The following ITGB3 variants were observed in gnomAD, a reference collection of about 807,000 sequenced individuals.
The protein encoded by ITGB3 is integrin subunit beta 3.
A neutral mutation model predicts 85.8 loss-of-function variants in ITGB3; 48 were observed. That is an observed-to-expected ratio of 0.56 (90% CI 0.44 to 0.71). The LOEUF is 0.71. Among genes scored for constraint, ITGB3 ranks in the 30% least tolerant of loss-of-function variants. The probability of loss-of-function intolerance (pLI) is 0.00; values close to 1 mark genes in which losing one functional copy is unlikely to be tolerated. For missense variants in ITGB3, 861 were observed against 1,019.1 expected, an observed-to-expected ratio of 0.84 and a Z score of 2.11; for synonymous variants, 363 against 395.6, an observed-to-expected ratio of 0.92 and a Z score of 0.98.
chr17:47,277,646 T>G (rs756397598), intron 2 of ITGB3, among the ~76,000 whole-genome samples: 1 of 152,242 alleles, frequency 6.6e-6, no homozygotes, highest in Non-Finnish European at 1.5e-5. Context: ...AAATAATTTT[T>G]AGTATAAGTT....
intron 3 of ITGB3, 51 bp downstream of exon 3, chr17:47,283,600 G>C: frequency 6.4e-7 from 1 of 1,564,542 alleles, no homozygotes; most frequent in African/African-American, 1.4e-5. Flanking sequence ...TGGGCATAGA[G>C]CACAAGGTGG....
Position 47,312,723 on chromosome 17 carries a change from C to A in ITGB3, c.*2519C>A, listed in dbSNP as rs1459133466. 6.6e-6 allele frequency among the ~76,000 whole-genome samples: 1 copy of A among 152,154 alleles called. No homozygotes were observed. Among genetic ancestry groups the A allele is most frequent in the Admixed American group, 6.5e-5 (1 of 15,272 alleles). ...GGTCTTGAAGACCAATATTATTTGTCAATATGTGGGGATAACCTGTAGCTG... is the reference window on the plus strand; with the variant it reads ...GGTCTTGAAGACCAATATTATTTGTAAATATGTGGGGATAACCTGTAGCTG... On this transcript the variant is annotated 3_prime_UTR_variant, in exon 15 of 15. Transcript: ENST00000559488.
At chr17:47,294,754 TCCCTGACCTCTCCAAGCTTAAAG>T in intron 10 of ITGB3, among the ~76,000 whole-genome samples, 1 of 152,308 alleles carries the variant, frequency 6.6e-6, no homozygotes, top group East Asian at 1.9e-4. Context: ...TCATGCATGA[TCCCTGACCTCTCCAAGCTTAAAG>T]CCCCACTCAC....
chr17:47,304,392 G>C (rs1043144599), intron 13 of ITGB3, among the ~76,000 whole-genome samples: 4 of 152,184 alleles, frequency 2.6e-5, no homozygotes, highest in African/African-American at 9.7e-5. Flanking sequence ...GGGCAGTAAA[G>C]ACAACACTGC....
intron 1 of ITGB3, among the ~76,000 whole-genome samples, chr17:47,263,730 T>G (rs2065016554): frequency 6.6e-6 from 1 of 152,206 alleles, no homozygotes; most frequent in Non-Finnish European, 1.5e-5. Context: ...CCTCAGGTGA[T>G]CTACCCGCCT....
At position 47,283,569 on chromosome 17, in the gene ITGB3, C is replaced by T. The variant is rs375144715; in HGVS notation, c.361+20C>T. 8.7e-6 allele frequency: 14 copies of T among 1,612,188 alleles called. No homozygotes were observed. The highest frequency in any genetic ancestry group is 5.3e-5 in the African/African-American group (4 of 74,772). ...GGCCAGGTAGGGCTGGGACTCTTTG[C>T]GGGGAGAGACCTGAAGCAGGTGGGC... On this transcript the variant is annotated intron_variant, in intron 3 of 14. Transcript: ENST00000559488.
intron 2 of ITGB3, chr17:47,280,171 G>A: frequency 6.6e-6 from 1 of 152,320 alleles, no homozygotes; most frequent in South Asian, 2.1e-4. Flanking sequence ...GAGAGAGAAA[G>A]AGAGAAGCTG....
chr17:47,268,604 C>A (rs2065033803), intron 1 of ITGB3, among the ~76,000 whole-genome samples: 1 of 152,230 alleles, frequency 6.6e-6, no homozygotes, highest in South Asian at 2.1e-4. Flanking sequence ...ACACCTAGGT[C>A]ATATTGATGC....
chr17:47,269,426 A>G (rs371521279), intron 1 of ITGB3, among the ~76,000 whole-genome samples: 2 of 152,140 alleles, frequency 1.3e-5, no homozygotes, highest in African/African-American at 4.8e-5. Context: ...CATCTGACAG[A>G]TCCCCTAAAT....
intron 2 of ITGB3, among the ~76,000 whole-genome samples, chr17:47,276,631 C>G (rs1238061716): frequency 6.6e-6 from 1 of 152,162 alleles, no homozygotes; most frequent in Non-Finnish European, 1.5e-5. Context: ...AGGACTACAA[C>G]TATCCCTCAG....
At position 47,262,452 on chromosome 17, in the gene ITGB3, G is replaced by T. The variant is rs561549724; in HGVS notation, c.79+8512G>T. Among the ~76,000 whole-genome samples, 27 of 152,336 alleles carry T rather than the reference G, an allele frequency of 1.8e-4. No homozygotes were observed. In the South Asian group the frequency reaches 5.6e-3, roughly 32 times the overall value. ...AATATCAGGCCATCAGGAAGAAATG[G>T]CCACTTGTGCCTTGTTTGAGGGTTC... On this transcript the variant is annotated intron_variant, in intron 1 of 14. Transcript: ENST00000559488.
intron 5 of ITGB3, among the ~76,000 whole-genome samples, chr17:47,286,755 A>G (rs2065104084): frequency 6.6e-6 from 1 of 152,238 alleles, no homozygotes; most frequent in African/African-American, 2.4e-5. Flanking sequence ...AGCCCAGATC[A>G]GCTCTGTGGA....
chr17:47,306,457 T>C (rs747250851), intron 13 of ITGB3, among the ~76,000 whole-genome samples: 7 of 152,140 alleles, frequency 4.6e-5, no homozygotes, highest in Non-Finnish European at 8.8e-5. Context: ...AAAGACAATT[T>C]TGTAGAGGCA....
chr17:47,257,141 A>G (rs1327253269), intron 1 of ITGB3, among the ~76,000 whole-genome samples: 2 of 152,260 alleles, frequency 1.3e-5, no homozygotes, highest in Non-Finnish European at 2.9e-5. Context: ...TACTATTGTC[A>G]TTATTCTTCC....
rs1207144046 is a variant in ITGB3, at chr17:47,253,938, G to C, written c.77G>C (p.Gly26Ala). 7.1e-7 allele frequency: 1 copy of C among 1,418,308 alleles called. No homozygotes were observed. Among genetic ancestry groups the C allele is most frequent in the African/African-American group, 1.5e-5 (1 of 67,768 alleles). 87.9% of individuals were successfully genotyped at this position (1,418,308 alleles called of 1,614,324 possible). Residue 26 changes from glycine to alanine, a missense_variant and splice_region_variant, in exon 1 of 15, where the codon GGA (glycine) becomes GCA (alanine). By Grantham distance (60) the Gly-to-Ala change is moderately conservative. Transcript: ENST00000559488. ...ALGALAGVGV[G>A]GPNICTTRGV... ...GGGGCGCTGGCGGGCGTTGGCGTAGGAGGTGAGTGAGGCTCCGGCTCGGCA... is the reference window on the plus strand; with the variant it reads ...GGGGCGCTGGCGGGCGTTGGCGTAGCAGGTGAGTGAGGCTCCGGCTCGGCA...
rs781602325 is a variant in ITGB3 at position 47,290,940 on chromosome 17, C to T, written c.1126-14C>T. 3.1e-6 allele frequency: 5 copies of T among 1,613,896 alleles called. No individual in the cohort carries two copies. In the African/African-American group the frequency reaches 6.7e-5, roughly 22 times the overall value. ...AGTTCAATTTCTTGTCTTCTTGTGC[C>T]CCTTTCTGCTCAGAAAATCCGTTCT... On this transcript the variant is annotated splice_polypyrimidine_tract_variant and intron_variant, in intron 8 of 14. Coordinates refer to ENST00000559488, the MANE Select transcript of ITGB3 (RefSeq NM_000212.3).
intron 12 of ITGB3, among the ~76,000 whole-genome samples, chr17:47,301,228 T>C (rs2065166135): frequency 6.6e-6 from 1 of 152,204 alleles, no homozygotes; most frequent in Non-Finnish European, 1.5e-5. Context: ...TTTGCTGCTG[T>C]CATCACATCT....
rs1567764020 is a variant in ITGB3, at chr17:47,283,410, C to G, written c.222C>G (p.Asn74Lys). 5.6e-6 allele frequency: 9 copies of G among 1,614,118 alleles called. No individual in the cohort carries two copies. Among genetic ancestry groups the G allele is most frequent in the Non-Finnish European group, 6.8e-6 (8 of 1,180,056 alleles). ...TGAAGGAGAATCTGCTGAAGGATAA[C>G]TGTGCCCCAGAATCCATCGAGTTCC... ...CDLKENLLKD[N>K]CAPESIEFPV... Residue 74 changes from asparagine (N) to lysine (K), a missense_variant, in exon 3 of 15, where the codon AAC becomes AAG. Physicochemically the swap from Asn to Lys is moderately conservative, Grantham distance 94. Transcript: ENST00000559488.
chr17:47,295,041 A>G (rs758952787), intron 10 of ITGB3, among the ~76,000 whole-genome samples: 1 of 152,126 alleles, frequency 6.6e-6, no homozygotes, highest in Non-Finnish European at 1.5e-5. Flanking sequence ...TGCCACAGCC[A>G]CAGATCAGTC....
Sources: gnomAD v4.1 joint callset for allele counts (sites outside exome capture counted in the v4.1 genomes callset) on GRCh38, gnomAD v4.1.1 for gene constraint, MANE v1.5 for transcripts, NCBI Gene and HGNC (gene_info 2026-07-23, HGNC 2026-07-21) for gene names.